The following NID2 variants were observed in gnomAD, a reference collection of about 807,000 sequenced individuals.
NID2 encodes the protein nidogen-2.
Under a neutral mutation model 145.4 loss-of-function variants are expected in NID2, and 83 were observed. That is an observed-to-expected ratio of 0.57 (90% CI 0.48 to 0.69). NID2 has a LOEUF of 0.69. Among genes scored for constraint, NID2 ranks in the 30% least tolerant of loss-of-function variants. The probability of loss-of-function intolerance (pLI) is 0.00; values close to 1 mark genes in which losing one functional copy is unlikely to be tolerated. For missense variants in NID2, 1,807 were observed against 1,765.7 expected (o/e 1.02, Z -0.42); for synonymous variants, 739 against 701.3 (o/e 1.05, Z -0.85).
In NID2 at chr14:52,053,747, G is replaced by A. The variant is rs779489119; in HGVS notation, c.1261C>T (p.Gln421Ter). The A allele has an allele frequency of 2.0e-5, 32 of 1,614,104 alleles. 1 individual carries two copies. Among genetic ancestry groups the A allele is most frequent in the Non-Finnish European group, 8.5e-7 (1 of 1,180,048 alleles). Residue 421 changes from glutamine (Q) to a stop codon, truncating the protein, a stop_gained, in exon 5 of 22, where the codon CAG becomes TAG. Transcript: ENST00000216286. LOFTEE classifies it high-confidence loss of function. Reference sequence around the variant, plus strand: ...ACTGGCCCTCCATCTGGGTAGGGCTGGATGCTTCCGTTTTCGGGGTACGGT... The same window carrying A: ...ACTGGCCCTCCATCTGGGTAGGGCTAGATGCTTCCGTTTTCGGGGTACGGT... ...PPPYPENGSI[Q>*]PYPDGGPVPS... is the part of the protein sequence containing the mutation.
intron 17 of NID2, 140 bp downstream of exon 17, chr14:52,011,414 C>CTTAT (rs1217102599): frequency 9.9e-7 from 1 of 1,015,174 alleles, no homozygotes; most frequent in East Asian, 2.5e-5. Flanking sequence ...GGGGGCTAGT[C>CTTAT]TTATACAGCT....
At chr14:52,063,145 T>C (rs12886408) in intron 2 of NID2, among the ~76,000 whole-genome samples, 20,628 of 152,168 alleles carry the variant, frequency 0.14, 1,554 homozygotes, top group Middle Eastern at 0.23. Context: ...GCTCCCCCTC[T>C]CAAAAAACTC....
intron 14 of NID2, 78 bp from the exon 15 acceptor site, chr14:52,015,353 C>T: frequency 7.3e-7 from 1 of 1,374,794 alleles, no homozygotes; most frequent in Non-Finnish European, 1.0e-6. Context: ...TAGCTCAAGA[C>T]CCCATGCCTG....
At chr14:52,033,444 T>TAAAGCTC (rs371223011) in intron 9 of NID2, among the ~76,000 whole-genome samples, 1 of 152,054 alleles carries the variant, frequency 6.6e-6, no homozygotes, top group East Asian at 1.9e-4. Flanking sequence ...ACTTAAAGCT[T>TAAAGCTC]AAAGCTCAAA....
intron 9 of NID2, among the ~76,000 whole-genome samples, chr14:52,036,295 C>A (rs975272646): frequency 1.3e-4 from 20 of 152,106 alleles, no homozygotes; most frequent in Non-Finnish European, 2.5e-4. Context: ...CACTGACTAC[C>A]TTCACTTAAG....
In NID2 at chr14:52,020,135, G is replaced by A. The variant is rs768008347; in HGVS notation, c.2718C>T (p.Thr906=). The A allele has an allele frequency of 1.9e-6, 3 of 1,614,110 alleles. No individual in the cohort carries two copies. Among genetic ancestry groups the A allele is most frequent in the Non-Finnish European group, 1.7e-6 (2 of 1,179,936 alleles). ...CSENRCHPAA[T]CYNTPGSFSC... is the part of the protein sequence containing the mutation. ...AGAAGGAACCAGGAGTATTGTAGCA[G>A]GTAGCTGCAGGGTGACATCTGTTTT... The change falls in exon 13 of 22, where the codon ACC becomes ACT. Residue 906 remains threonine (T), a synonymous_variant. Coordinates refer to ENST00000216286, the MANE Select transcript of NID2 (RefSeq NM_007361.4).
At chr14:52,028,144 A>G (rs1311826092) in intron 11 of NID2, among the ~76,000 whole-genome samples, 2 of 152,230 alleles carry the variant, frequency 1.3e-5, no homozygotes, top group African/African-American at 2.4e-5. Flanking sequence ...ATCTTGTTAC[A>G]TGACTGGGCC....
rs919551398 is a variant in NID2, at chr14:52,026,613, A to G, written c.2674+588T>C. ...CATTTATACTCAGAGAGTTATGTCG[A>G]GCCTTTAAATAACAACCTCACACAT... On this transcript the variant is annotated intron_variant, in intron 12 of 21. Coordinates refer to ENST00000216286, the MANE Select transcript of NID2 (RefSeq NM_007361.4). Among the ~76,000 whole-genome samples, 6 of 152,390 alleles carry G rather than the reference A, an allele frequency of 3.9e-5. No homozygotes were observed. In the East Asian group the frequency reaches 9.6e-4, roughly 24 times the overall value.
chr14:52,048,962 A>C (rs764529843), intron 5 of NID2, among the ~76,000 whole-genome samples: 2 of 152,160 alleles, frequency 1.3e-5, no homozygotes, highest in Non-Finnish European at 2.9e-5. Context: ...TGAGAAATAC[A>C]GTTTCTAGTC....
intron 11 of NID2, 61 bp downstream of exon 11, chr14:52,028,661 T>C (rs1320663856): frequency 3.3e-5 from 52 of 1,573,210 alleles, no homozygotes; most frequent in Non-Finnish European, 4.1e-5. Context: ...CACTGACAGA[T>C]TAAAGAGCAA....
chr14:52,056,727 G>C (rs1892858234), intron 3 of NID2, among the ~76,000 whole-genome samples: 1 of 152,164 alleles, frequency 6.6e-6, no homozygotes, highest in Non-Finnish European at 1.5e-5. Context: ...AGGAGGCAGA[G>C]GTTGCAGTGA....
intron 9 of NID2, among the ~76,000 whole-genome samples, chr14:52,032,332 A>G (rs1891897694): frequency 6.6e-6 from 1 of 152,208 alleles, no homozygotes; most frequent in Non-Finnish European, 1.5e-5. Flanking sequence ...ACCAATAAAT[A>G]ATTCCAGCAC....
chr14:52,027,446 A>G, intron 11 of NID2, 102 bp from the exon 12 acceptor site: 1 of 1,064,904 alleles, frequency 9.4e-7, no homozygotes, highest in Non-Finnish European at 1.3e-6. Flanking sequence ...CAGACCAGGG[A>G]ATGCAGGTTC....
intron 20 of NID2, 147 bp from the exon 21 acceptor site, chr14:52,005,996 G>A: frequency 1.6e-6 from 1 of 633,218 alleles, no homozygotes; most frequent in Non-Finnish European, 2.9e-6. Flanking sequence ...ACTGAAGTTT[G>A]AAGACCATTG....
chr14:52,049,831 G>A (rs1406511329), intron 5 of NID2, among the ~76,000 whole-genome samples: 1 of 152,142 alleles, frequency 6.6e-6, no homozygotes, highest in Non-Finnish European at 1.5e-5. Flanking sequence ...TTCTGGTGAA[G>A]GGAGAGGGGC....
At chr14:52,020,840 G>A (rs1232087445) in intron 12 of NID2, among the ~76,000 whole-genome samples, 1 of 152,110 alleles carries the variant, frequency 6.6e-6, no homozygotes, top group Non-Finnish European at 1.5e-5. Context: ...AGGCATATCA[G>A]TACAAACAAT....
intron 5 of NID2, among the ~76,000 whole-genome samples, chr14:52,045,352 GAC>G (rs1367608371): frequency 6.6e-6 from 1 of 152,210 alleles, no homozygotes; most frequent in African/African-American, 2.4e-5. Context: ...TGGCAGGACA[GAC>G]AGTGTAGGTT....
intron 5 of NID2, among the ~76,000 whole-genome samples, chr14:52,052,423 C>T (rs1367198167): frequency 6.6e-6 from 1 of 152,226 alleles, no homozygotes; most frequent in African/African-American, 2.4e-5. Context: ...TACGCTGTCT[C>T]ATTGAATCCT....
In NID2 at chr14:52,060,307, G is replaced by A. The variant is rs1441704091; in HGVS notation, c.584C>T (p.Ala195Val). The change falls in exon 3 of 22, where the codon GCC becomes GTC. Residue 195 changes from alanine to valine, a missense_variant. Coordinates refer to ENST00000216286, the MANE Select transcript of NID2 (RefSeq NM_007361.4). ...VLASDGSDSY[A>V]LFLYPANGLQ... Reference sequence around the variant, plus strand: ...GCCGTTGGCAGGATAAAGAAAGAGGGCGTAGCTATCAGACCCATCAGATGC... The same window carrying A: ...GCCGTTGGCAGGATAAAGAAAGAGGACGTAGCTATCAGACCCATCAGATGC... 2 of 1,611,536 alleles carry A rather than the reference G, an allele frequency of 1.2e-6. No homozygotes were observed. The highest frequency in any genetic ancestry group is 1.7e-5 in the Admixed American group (1 of 59,858).
Sources: allele counts gnomAD v4.1 joint callset (sites outside exome capture counted in the v4.1 genomes callset), GRCh38; gene constraint gnomAD v4.1.1; transcripts MANE v1.5; gene names NCBI Gene and HGNC (gene_info 2026-07-23, HGNC 2026-07-21).